ZC3H7B: variants seen among roughly 807,000 people sequenced by gnomAD.
ZC3H7B encodes the protein zinc finger CCCH-type containing 7B.
In ZC3H7B, 35 loss-of-function variants were observed where a neutral mutation model predicts 116.0. The ratio of observed to expected loss-of-function variants is 0.30; its 90% CI spans 0.23 to 0.40. ZC3H7B has a LOEUF of 0.40. Ranked by LOEUF, ZC3H7B falls within the 10% of genes least tolerant of loss-of-function variation. The pLI is 1.00. For synonymous variants in ZC3H7B, 502 were observed against 545.6 expected, an observed-to-expected ratio of 0.92 and a Z score of 1.11; for missense variants, 1,011 against 1,321.5, an observed-to-expected ratio of 0.77 and a Z score of 3.64.
intron 5 of ZC3H7B, among the ~76,000 whole-genome samples, chr22:41,328,607 G>A (rs1031532727): frequency 5.9e-5 from 9 of 152,154 alleles, no homozygotes; most frequent in African/African-American, 2.2e-4. Context: ...ATGAGGCCTG[G>A]GCCCATCTGC....
chr22:41,356,087 G>A, intron 20 of ZC3H7B, 25 bp downstream of exon 20: 1 of 1,543,092 alleles, frequency 6.5e-7, no homozygotes, highest in Non-Finnish European at 8.7e-7. Flanking sequence ...GGGGCGGGCG[G>A]GCCCTCCCCC....
intron 1 of ZC3H7B, among the ~76,000 whole-genome samples, chr22:41,311,344 A>T (rs961326039): frequency 2.6e-5 from 4 of 152,038 alleles, no homozygotes; most frequent in African/African-American, 4.8e-5. Context: ...GCTCAGAGCT[A>T]TGAATAGAGT....
At chr22:41,354,991 G>T (rs916843881) in intron 17 of ZC3H7B, among the ~76,000 whole-genome samples, 8 of 152,124 alleles carry the variant, frequency 5.3e-5, no homozygotes, top group Admixed American at 3.9e-4. Flanking sequence ...CGGGTGAGTC[G>T]GTCAACAGGA....
At chr22:41,354,788 G>A (rs567559617) in intron 17 of ZC3H7B, among the ~76,000 whole-genome samples, 24 of 152,174 alleles carry the variant, frequency 1.6e-4, no homozygotes, top group Non-Finnish European at 3.5e-4. Flanking sequence ...TGGGGCGTAG[G>A]ACAGAGAAGG....
intron 7 of ZC3H7B, chr22:41,332,784 G>C (rs1472325952): frequency 6.5e-6 from 1 of 152,936 alleles, no homozygotes; most frequent in African/African-American, 2.4e-5. Flanking sequence ...TCTGCATTCT[G>C]AAATGCGGAC....
In ZC3H7B at chr22:41,359,438, AT is replaced by A. The variant is rs917285842; in HGVS notation, c.*2012del. ...GGAGGGTTTCAGGGGCCACTGGACTATTTGCAAGGTGACAGGGACTGGAGCC... is the reference window on the plus strand; with the variant it reads ...GGAGGGTTTCAGGGGCCACTGGACTATTGCAAGGTGACAGGGACTGGAGCC... On this transcript the variant is annotated 3_prime_UTR_variant, in exon 23 of 23. Coordinates refer to ENST00000352645, the MANE Select transcript of ZC3H7B (RefSeq NM_017590.6). 6.6e-6 allele frequency: 1 copy of A among 151,336 alleles called. No individual in the cohort carries two copies. Among genetic ancestry groups the A allele is most frequent in the African/African-American group, 2.5e-5 (1 of 40,610 alleles). 9.4% of individuals were successfully genotyped at this position (151,336 alleles called of 1,614,324 possible).
At chr22:41,307,575 A>C (rs1883827) in intron 1 of ZC3H7B, among the ~76,000 whole-genome samples, 1 of 152,002 alleles carries the variant, frequency 6.6e-6, no homozygotes, top group African/African-American at 2.4e-5. Flanking sequence ...GCTGAGACAC[A>C]AGCTTGGTGG....
intron 1 of ZC3H7B, among the ~76,000 whole-genome samples, chr22:41,313,387 C>T (rs995253878): frequency 8.5e-5 from 13 of 152,158 alleles, no homozygotes; most frequent in African/African-American, 2.7e-4. Context: ...GTTGGAATTA[C>T]AGGCGTGAGC....
chr22:41,302,582 C>A lies in ZC3H7B; in HGVS notation c.-7+810C>A, dbSNP rs567148260. 3.3e-4 allele frequency among the ~76,000 whole-genome samples: 50 copies of A among 152,174 alleles called. 1 individual carries two copies. In the South Asian group the frequency reaches 0.01, roughly 31 times the overall value. On this transcript the variant is annotated intron_variant, in intron 1 of 22. Transcript: ENST00000352645. The surrounding 1 kb of genome is among the most constrained non-coding windows in gnomAD (Gnocchi z 5.7). ...GCCGCCGACTCCGGCCTCATACCCCCATCCTGCCCGCTGCGAACCTCAGGG... is the reference window on the plus strand; with the variant it reads ...GCCGCCGACTCCGGCCTCATACCCCAATCCTGCCCGCTGCGAACCTCAGGG...
intron 5 of ZC3H7B, among the ~76,000 whole-genome samples, chr22:41,328,592 T>A (rs1461592825): frequency 6.6e-6 from 1 of 152,162 alleles, no homozygotes; most frequent in East Asian, 1.9e-4. Context: ...TAGATTGGAA[T>A]CTCCATGAGG....
At chr22:41,312,984 T>G (rs2036136374) in intron 1 of ZC3H7B, among the ~76,000 whole-genome samples, 2 of 152,174 alleles carry the variant, frequency 1.3e-5, no homozygotes, top group African/African-American at 4.8e-5. Context: ...AATTTCTGTG[T>G]CAAAGTGAAA....
At chr22:41,328,953 G>A (rs1478715194) in intron 5 of ZC3H7B, among the ~76,000 whole-genome samples, 14 of 150,684 alleles carry the variant, frequency 9.3e-5, no homozygotes, top group Admixed American at 8.6e-4. Context: ...TTGGGAGGCC[G>A]AGGCGGGTGG....
rs1176494846 is a variant in ZC3H7B at position 41,346,065 on chromosome 22, G to A, written c.1522G>A (p.Glu508Lys). Reference sequence around the variant, plus strand: ...CTGCACCTTCGCCTACCATCAGGAGGAGATCGACGTGTGGACCGAGGAGCG... The same window carrying A: ...CTGCACCTTCGCCTACCATCAGGAGAAGATCGACGTGTGGACCGAGGAGCG... The part of the protein sequence containing the change: ...DNCTFAYHQE[E>K]IDVWTEERKG... Residue 508 changes from glutamate (E) to lysine (K), a missense_variant, in exon 14 of 23, where the codon GAG becomes AAG. By Grantham distance (56) the Glu-to-Lys change is moderately conservative. Coordinates refer to ENST00000352645, the MANE Select transcript of ZC3H7B (RefSeq NM_017590.6). The surrounding 1 kb of genome is among the most constrained non-coding windows in gnomAD (Gnocchi z 5.3). 6.2e-7 allele frequency: 1 copy of A among 1,614,092 alleles called. No individual in the cohort carries two copies. The highest frequency in any genetic ancestry group is 1.7e-5 in the Admixed American group (1 of 60,030).
At chr22:41,353,543 C>T (rs746664537) in intron 17 of ZC3H7B, among the ~76,000 whole-genome samples, 1 of 152,200 alleles carries the variant, frequency 6.6e-6, no homozygotes, top group Non-Finnish European at 1.5e-5. Context: ...GTGGGCACAG[C>T]GCCCAGGAGA....
chr22:41,320,722 G>T lies in ZC3H7B; in HGVS notation c.53+9G>T, dbSNP rs1256657517. ...GGGCTGCAGTTCATTCAGTAAGCCT[G>T]CATGCGGCAGGGGCTGGACGGCTGG... On this transcript the variant is annotated intron_variant, in intron 2 of 22. Transcript: ENST00000352645. 1.2e-6 allele frequency: 2 copies of T among 1,613,310 alleles called. No homozygotes were observed. The highest frequency in any genetic ancestry group is 1.7e-6 in the Non-Finnish European group (2 of 1,179,572).
At chr22:41,331,592 C>T (rs1027522049) in intron 6 of ZC3H7B, among the ~76,000 whole-genome samples, 6 of 150,772 alleles carry the variant, frequency 4.0e-5, no homozygotes, top group Admixed American at 6.6e-5. Context: ...GCAAATGGGC[C>T]GGGTGCAGTG....
At chr22:41,317,529 C>A (rs2036199900) in intron 1 of ZC3H7B, among the ~76,000 whole-genome samples, 1 of 152,074 alleles carries the variant, frequency 6.6e-6, no homozygotes, top group South Asian at 2.1e-4. Context: ...GTGGCTCATG[C>A]CTATATTCCC....
intron 13 of ZC3H7B, among the ~76,000 whole-genome samples, chr22:41,344,852 G>A (rs2036564661): frequency 6.6e-6 from 1 of 152,198 alleles, no homozygotes; most frequent in Non-Finnish European, 1.5e-5. Context: ...TGTTGCCCAG[G>A]CCAGAGTGAG....
chr22:41,314,178 A>T (rs1480766552), intron 1 of ZC3H7B, among the ~76,000 whole-genome samples: 1 of 150,490 alleles, frequency 6.6e-6, no homozygotes, highest in Non-Finnish European at 1.5e-5. Flanking sequence ...TTTTTTTGAG[A>T]TGGAGTCTTG....
Sources: gnomAD v4.1 joint callset for allele counts (sites outside exome capture counted in the v4.1 genomes callset) on GRCh38, gnomAD v4.1.1 for gene constraint, Gnocchi (gnomAD v3.1) non-coding constraint, MANE v1.5 for transcripts, NCBI Gene and HGNC (gene_info 2026-07-23, HGNC 2026-07-21) for gene names.